Variants in DENND4C observed in about 807,000 individuals in gnomAD.
DENND4C encodes the protein DENN domain containing 4C.
DENND4C carries 108 observed loss-of-function variants against 203.0 expected under a neutral mutation model. The observed-to-expected ratio is 0.53, with a 90% CI of 0.46 to 0.62. The LOEUF (loss-of-function observed/expected upper bound fraction) is 0.62, where lower values mean the gene tolerates loss of function less well. DENND4C is among the 20% of genes least tolerant of loss of function. DENND4C has a pLI of 0.00. For synonymous variants in DENND4C, 871 were observed against 792.4 expected, an observed-to-expected ratio of 1.10 and a Z score of -1.67; for missense variants, 2,481 against 2,301.2, an observed-to-expected ratio of 1.08 and a Z score of -1.60.
intron 31 of DENND4C, among the ~76,000 whole-genome samples, chr9:19,371,185 A>G (rs1312162363): frequency 6.6e-6 from 1 of 152,234 alleles, no homozygotes; most frequent in Non-Finnish European, 1.5e-5. Context: ...CAACTGAGTC[A>G]TGAAGCTCAC....
chr9:19,312,476 G>C (rs926653545), intron 10 of DENND4C, among the ~76,000 whole-genome samples: 1 of 152,164 alleles, frequency 6.6e-6, no homozygotes, highest in African/African-American at 2.4e-5. Flanking sequence ...CAAAAGAAAA[G>C]GCAGGGAATA....
At chr9:19,330,035 A>G (rs2131753746) in intron 16 of DENND4C, among the ~76,000 whole-genome samples, 1 of 152,300 alleles carries the variant, frequency 6.6e-6, no homozygotes, top group East Asian at 1.9e-4. Flanking sequence ...CCTAAATCCT[A>G]GAGATATCCT....
At chr9:19,292,898 T>C (rs537060224) in intron 5 of DENND4C, among the ~76,000 whole-genome samples, 1 of 152,278 alleles carries the variant, frequency 6.6e-6, no homozygotes, top group African/African-American at 2.4e-5. Context: ...TGAAAAAATA[T>C]ATAATCTGAA....
chr9:19,368,915 G>T (rs570725272), intron 30 of DENND4C, among the ~76,000 whole-genome samples: 12 of 152,276 alleles, frequency 7.9e-5, no homozygotes, highest in African/African-American at 2.4e-4. Context: ...GATTTGGGAG[G>T]CTGAGGCAGG....
intron 1 of DENND4C, among the ~76,000 whole-genome samples, chr9:19,268,729 T>C (rs1252356780): frequency 7.8e-6 from 1 of 128,226 alleles, no homozygotes; most frequent in Non-Finnish European, 1.8e-5. Flanking sequence ...AAAAGTTTTG[T>C]TTTTTTTTCA....
chr9:19,341,046 C>G lies in DENND4C; in HGVS notation c.2936C>G (p.Ala979Gly), dbSNP rs1563820896. The G allele has an allele frequency of 1.2e-6, 2 of 1,612,788 alleles. No individual in the cohort carries two copies. The highest frequency in any genetic ancestry group is 4.5e-5 in the East Asian group (2 of 44,772). Residue 979 changes from alanine (A) to glycine (G), a missense_variant, in exon 21 of 33, where the codon GCA (alanine) becomes GGA (glycine). Around this residue, in one of 3 missense-constraint regions of DENND4C, gnomAD observed 2,289 missense variants for 2,113.3 expected, o/e 1.08. Transcript: ENST00000434457. ...GSKDELIKDD[A>G]EIHVPEEQAA... ...AAGGATGAACTTATAAAGGATGATG[C>G]AGAAATTCATGTGCCTGAAGAACAG...
At chr9:19,285,329 C>T (rs978593420) in intron 2 of DENND4C, among the ~76,000 whole-genome samples, 2 of 152,104 alleles carry the variant, frequency 1.3e-5, no homozygotes, top group Non-Finnish European at 2.9e-5. Context: ...TCATACAGTT[C>T]ACTTACTTAA....
chr9:19,338,626 C>T (rs1329990846), intron 20 of DENND4C, among the ~76,000 whole-genome samples: 1 of 152,156 alleles, frequency 6.6e-6, no homozygotes, highest in Non-Finnish European at 1.5e-5. Context: ...TAAGGATTAT[C>T]TCGTGGAATC....
intron 2 of DENND4C, among the ~76,000 whole-genome samples, chr9:19,286,113 A>G (rs924157730): frequency 2.6e-5 from 4 of 152,202 alleles, no homozygotes; most frequent in African/African-American, 7.2e-5. Context: ...GGCAGCTGGA[A>G]TTTAGATAGG....
intron 1 of DENND4C, among the ~76,000 whole-genome samples, chr9:19,257,382 A>G (rs1200693381): frequency 1.3e-5 from 2 of 151,622 alleles, no homozygotes; most frequent in African/African-American, 2.4e-5. Flanking sequence ...AAAACACAAC[A>G]TATCTAGATT....
intron 1 of DENND4C, among the ~76,000 whole-genome samples, chr9:19,248,233 C>T (rs1329744810): frequency 6.6e-6 from 1 of 152,210 alleles, no homozygotes; most frequent in African/African-American, 2.4e-5. Flanking sequence ...ACTCTAAGCT[C>T]AAGAGCCACT....
intron 1 of DENND4C, among the ~76,000 whole-genome samples, chr9:19,254,094 C>A (rs1827321377): frequency 6.6e-6 from 1 of 151,156 alleles, no homozygotes; most frequent in South Asian, 2.2e-4. Context: ...TACAAAGTAT[C>A]AATATGGGTA....
chr9:19,312,492 A>G (rs1240752009), intron 10 of DENND4C, among the ~76,000 whole-genome samples: 2 of 152,192 alleles, frequency 1.3e-5, no homozygotes, highest in Admixed American at 6.5e-5. Flanking sequence ...GAATAGTTGT[A>G]TTTACTTGTA....
At chr9:19,267,699 G>A (rs1481230440) in intron 1 of DENND4C, among the ~76,000 whole-genome samples, 1 of 151,806 alleles carries the variant, frequency 6.6e-6, no homozygotes, top group Non-Finnish European at 1.5e-5. Flanking sequence ...ACTGCACCTG[G>A]CCAATTTTTC....
chr9:19,357,529 A>G (rs1421516823), intron 27 of DENND4C: 2 of 216,770 alleles, frequency 9.2e-6, no homozygotes, highest in Non-Finnish European at 1.8e-5. Flanking sequence ...ATATTATGCT[A>G]AGCTCTAAAA....
chr9:19,336,008 G>T (rs34400018), intron 18 of DENND4C, among the ~76,000 whole-genome samples: 11,420 of 151,368 alleles, frequency 0.075, 509 homozygotes, highest in South Asian at 0.16. Flanking sequence ...GGGTTCTTTT[G>T]TCCACATCCT....
chr9:19,352,893 C>G (rs543422877), intron 26 of DENND4C, among the ~76,000 whole-genome samples: 55 of 152,116 alleles, frequency 3.6e-4, no homozygotes, highest in African/African-American at 1.2e-3. Flanking sequence ...CAACACTTTG[C>G]GAGGCCCAGG....
intron 2 of DENND4C, among the ~76,000 whole-genome samples, chr9:19,277,656 G>T (rs1203989453): frequency 6.6e-6 from 1 of 152,086 alleles, no homozygotes; most frequent in East Asian, 1.9e-4. Context: ...GTGTGTGTGT[G>T]TGTGTGTGTA....
At chr9:19,285,572 G>C (rs1214257066) in intron 2 of DENND4C, among the ~76,000 whole-genome samples, 1 of 119,086 alleles carries the variant, frequency 8.4e-6, no homozygotes. Context: ...TGTGGTCTTT[G>C]TGACTTTTTT....
Sources: gnomAD v4.1 joint callset for allele counts (sites outside exome capture counted in the v4.1 genomes callset) on GRCh38, gnomAD v4.1.1 for gene constraint, gnomAD v4.1.1 regional missense constraint, MANE v1.5 for transcripts, NCBI Gene and HGNC (gene_info 2026-07-23, HGNC 2026-07-21) for gene names.